Variants in ITGBL1 observed in about 807,000 individuals in gnomAD.
ITGBL1 encodes integrin subunit beta like 1.
A neutral mutation model predicts 68.5 loss-of-function variants in ITGBL1; 51 were observed. The ratio of observed to expected loss-of-function variants is 0.74; its 90% CI spans 0.59 to 0.94. The LOEUF is 0.94. Ranked by LOEUF, ITGBL1 falls within the 40% of genes least tolerant of loss-of-function variation. The pLI, the probability that ITGBL1 is intolerant of heterozygous loss-of-function variation, is 0.00. For synonymous variants in ITGBL1, 209 were observed against 227.3 expected, an observed-to-expected ratio of 0.92 and a Z score of 0.72; for missense variants, 649 against 647.4, an observed-to-expected ratio of 1.00 and a Z score of -0.03.
At chr13:101,669,330 T>A (rs1004266868) in intron 7 of ITGBL1, among the ~76,000 whole-genome samples, 2 of 151,950 alleles carry the variant, frequency 1.3e-5, no homozygotes, top group Non-Finnish European at 2.9e-5. Flanking sequence ...AATAATATTG[T>A]GTGGTCAGAA....
At chr13:101,657,833 T>C (rs1260550835) in intron 7 of ITGBL1, among the ~76,000 whole-genome samples, 1 of 152,176 alleles carries the variant, frequency 6.6e-6, no homozygotes, top group East Asian at 1.9e-4. Flanking sequence ...TCTTTAATAA[T>C]CTAGTGTTAC....
At chr13:101,455,665 A>G (rs1053827143) in intron 2 of ITGBL1, among the ~76,000 whole-genome samples, 1 of 152,244 alleles carries the variant, frequency 6.6e-6, no homozygotes, top group Admixed American at 6.5e-5. Context: ...CTTCATCTCA[A>G]TAAATAAATT....
chr13:101,669,867 C>T (rs575002470), intron 7 of ITGBL1, among the ~76,000 whole-genome samples: 72 of 152,310 alleles, frequency 4.7e-4, no homozygotes, highest in Non-Finnish European at 8.7e-4. Context: ...TTCATTGCAT[C>T]TCACTGCACA....
At chr13:101,701,893 A>G (rs1234596020) in intron 8 of ITGBL1, among the ~76,000 whole-genome samples, 6 of 152,190 alleles carry the variant, frequency 3.9e-5, no homozygotes, top group Admixed American at 6.5e-5. Flanking sequence ...TGGGAAGATG[A>G]AAATATTCTA....
At position 101,513,957 on chromosome 13, in the gene ITGBL1, A is replaced by G. The variant is rs2049155674; in HGVS notation, c.317-53742A>G. Reference sequence around the variant, plus strand: ...GAAGTGCATATTTAAATAAATATTTATATAGTGTTTGTTTATTCAATGTGA... The same window carrying G: ...GAAGTGCATATTTAAATAAATATTTGTATAGTGTTTGTTTATTCAATGTGA... On this transcript the variant is annotated intron_variant, in intron 2 of 10. Coordinates refer to ENST00000376180, the MANE Select transcript of ITGBL1 (RefSeq NM_004791.3). 2.6e-5 allele frequency among the ~76,000 whole-genome samples: 4 copies of G among 152,204 alleles called. No individual in the cohort carries two copies. In the South Asian group the frequency reaches 8.3e-4, roughly 32 times the overall value.
At chr13:101,682,313 C>G (rs954064886) in intron 7 of ITGBL1, among the ~76,000 whole-genome samples, 1 of 152,106 alleles carries the variant, frequency 6.6e-6, no homozygotes, top group African/African-American at 2.4e-5. Context: ...GATATACTGA[C>G]TTACCCTATA....
intron 2 of ITGBL1, among the ~76,000 whole-genome samples, chr13:101,544,721 C>T (rs920504154): frequency 9.9e-5 from 15 of 152,258 alleles, no homozygotes; most frequent in Admixed American, 2.6e-4. Context: ...GCTTCCTGGC[C>T]GCTTTGTTTA....
Position 101,692,903 on chromosome 13 carries a change from A to C in ITGBL1, c.1132+202A>C. 5.4e-6 allele frequency: 3 copies of C among 552,172 alleles called. No individual in the cohort carries two copies. In the South Asian group the frequency reaches 6.9e-5, roughly 13 times the overall value. The allele number at this position is 552,172 out of a possible 1,614,324, so 34.2% of individuals were successfully genotyped here. A position where few individuals can be genotyped will look rare whatever the true frequency, so the allele number is the denominator to read the frequency against. On this transcript the variant is annotated intron_variant, in intron 8 of 10. Coordinates refer to ENST00000376180, the MANE Select transcript of ITGBL1 (RefSeq NM_004791.3). ...GAACTCTTTATTTAGCAGGTATGTG[A>C]AAGTACGCAGTACACTATCAATAAA...
At chr13:101,591,007 A>G (rs4329783) in intron 6 of ITGBL1, among the ~76,000 whole-genome samples, 31,353 of 151,924 alleles carry the variant, frequency 0.21, 3,323 homozygotes, top group Non-Finnish European at 0.23. Context: ...GGGTTCAAGC[A>G]ATTCTCCTGC....
chr13:101,645,226 A>G (rs1382180680), intron 7 of ITGBL1, among the ~76,000 whole-genome samples: 2 of 152,148 alleles, frequency 1.3e-5, no homozygotes, highest in East Asian at 1.9e-4. Context: ...CTCATGCTCT[A>G]AGATATCTGC....
At chr13:101,614,166 T>A (rs2031255350) in intron 7 of ITGBL1, among the ~76,000 whole-genome samples, 2 of 152,112 alleles carry the variant, frequency 1.3e-5, no homozygotes, top group African/African-American at 4.8e-5. Context: ...CAATGATTAT[T>A]TGTTCTATAT....
chr13:101,626,582 G>T (rs951116150), intron 7 of ITGBL1, among the ~76,000 whole-genome samples: 54 of 152,028 alleles, frequency 3.6e-4, no homozygotes, highest in African/African-American at 1.3e-3. Flanking sequence ...TGCTTTGCTT[G>T]TGACAGTCCT....
At chr13:101,504,460 G>T (rs913269806) in intron 2 of ITGBL1, among the ~76,000 whole-genome samples, 1 of 152,084 alleles carries the variant, frequency 6.6e-6, no homozygotes, top group Non-Finnish European at 1.5e-5. Context: ...TGGCCAAATA[G>T]AATACCATTC....
At chr13:101,616,785 G>A (rs1325230927) in intron 7 of ITGBL1, among the ~76,000 whole-genome samples, 1 of 152,116 alleles carries the variant, frequency 6.6e-6, no homozygotes, top group African/African-American at 2.4e-5. Context: ...GCCGCTGCAG[G>A]CAGCCGATAG....
intron 7 of ITGBL1, among the ~76,000 whole-genome samples, chr13:101,636,799 T>C (rs10508073): frequency 0.12 from 18,744 of 152,236 alleles, 1,670 homozygotes; most frequent in African/African-American, 0.26. Flanking sequence ...GTTTCTAATA[T>C]TGATCCTGCT....
chr13:101,518,956 C>G (rs1014210676), intron 2 of ITGBL1, among the ~76,000 whole-genome samples: 1 of 152,112 alleles, frequency 6.6e-6, no homozygotes, highest in African/African-American at 2.4e-5. Context: ...AGCTATTATA[C>G]TTAGACATAC....
intron 4 of ITGBL1, among the ~76,000 whole-genome samples, chr13:101,576,262 G>A (rs144294576): frequency 3.9e-5 from 6 of 152,260 alleles, no homozygotes; most frequent in Non-Finnish European, 7.4e-5. Flanking sequence ...TCGTGTCTGT[G>A]TGATGCCAAA....
intron 7 of ITGBL1, among the ~76,000 whole-genome samples, chr13:101,601,869 T>G (rs1203890014): frequency 6.6e-6 from 1 of 152,088 alleles, no homozygotes; most frequent in African/African-American, 2.4e-5. Flanking sequence ...TGTGGTCAAT[T>G]TTGGAATAGG....
intron 6 of ITGBL1, among the ~76,000 whole-genome samples, chr13:101,597,614 T>A (rs1029406743): frequency 6.6e-6 from 1 of 151,898 alleles, no homozygotes; most frequent in African/African-American, 2.4e-5. Flanking sequence ...TGCAGTGGCA[T>A]GAACTTGGCT....
Sources: allele counts gnomAD v4.1 joint callset (sites outside exome capture counted in the v4.1 genomes callset), GRCh38; gene constraint gnomAD v4.1.1; transcripts MANE v1.5; gene names NCBI Gene and HGNC (gene_info 2026-07-23, HGNC 2026-07-21).